DPF3: variants seen among roughly 807,000 people sequenced by gnomAD.
DPF3 encodes double PHD fingers 3.
DPF3 carries 18 observed loss-of-function variants against 56.8 expected under a neutral mutation model. That is an observed-to-expected ratio of 0.32 (90% CI 0.22 to 0.47). The LOEUF is 0.47. Ranked by LOEUF, DPF3 falls within the 20% of genes least tolerant of loss-of-function variation. DPF3 has a pLI of 1.00. For missense variants in DPF3, 403 were observed against 488.8 expected (o/e 0.82, Z 1.65); for synonymous variants, 188 against 180.2 (o/e 1.04, Z -0.35).
At chr14:72,833,180 G>C (rs145502065) in intron 1 of DPF3, among the ~76,000 whole-genome samples, 21 of 152,308 alleles carry the variant, frequency 1.4e-4, no homozygotes, top group African/African-American at 4.3e-4. Context: ...CAGTCTGAGC[G>C]GGAGTGAACT....
chr14:72,740,947 T>C (rs1890100087), intron 3 of DPF3, among the ~76,000 whole-genome samples: 1 of 152,058 alleles, frequency 6.6e-6, no homozygotes, highest in Admixed American at 6.5e-5. Flanking sequence ...CATGCCTGAA[T>C]TCCCAGCTAC....
chr14:72,710,341 C>T (rs1241231822), intron 6 of DPF3, among the ~76,000 whole-genome samples: 1 of 152,194 alleles, frequency 6.6e-6, no homozygotes, highest in African/African-American at 2.4e-5. Flanking sequence ...AGTTGTATAT[C>T]AATGTGAAAT....
intron 1 of DPF3, among the ~76,000 whole-genome samples, chr14:72,872,026 C>T (rs947607727): frequency 1.3e-5 from 2 of 152,234 alleles, no homozygotes; most frequent in African/African-American, 4.8e-5. Context: ...AAGGAAATCC[C>T]AAACCTCAGT....
chr14:72,763,234 T>C (rs1166273643), intron 2 of DPF3, among the ~76,000 whole-genome samples: 3 of 152,048 alleles, frequency 2.0e-5, no homozygotes, highest in African/African-American at 4.8e-5. Context: ...CAGTTTTTTG[T>C]AGAAATTGAC....
intron 8 of DPF3, among the ~76,000 whole-genome samples, chr14:72,641,559 C>G (rs892257811): frequency 5.3e-5 from 8 of 152,182 alleles, no homozygotes; most frequent in African/African-American, 1.9e-4. Flanking sequence ...GGAGGCTTCT[C>G]CCACAGCCCC....
chr14:72,690,705 C>T (rs1887644292), intron 7 of DPF3, among the ~76,000 whole-genome samples: 2 of 152,030 alleles, frequency 1.3e-5, no homozygotes, highest in Admixed American at 1.3e-4. Context: ...GAAAATGAGA[C>T]ACAGACAGAC....
chr14:72,747,395 T>A (rs1487303436), intron 3 of DPF3, among the ~76,000 whole-genome samples: 1 of 152,138 alleles, frequency 6.6e-6, no homozygotes, highest in Non-Finnish European at 1.5e-5. Flanking sequence ...CCACAGCTGT[T>A]GAGGGTGACT....
Position 72,861,747 on chromosome 14 carries a change from GAAAGAAAGAAAGAA to G in DPF3, c.32+32296_32+32309del, listed in dbSNP as rs1390429167. Among the ~76,000 whole-genome samples the G allele has an allele frequency of 8.3e-4, 13 of 15,650 alleles. 1 individual carries two copies. The highest frequency in any genetic ancestry group is 3.2e-3 in the African/African-American group (9 of 2,796). 10.3% of individuals were successfully genotyped at this position (15,650 alleles called of 152,430 possible). A position where few individuals can be genotyped will look rare whatever the true frequency, so the allele number is the denominator to read the frequency against. ...AGAGAAAGAAAGAAAGAGAAAGAAAGAAAGAAAGAAAGAAAGAAAGAAAGAAAGAAAGAAAGAAA... is the reference window on the plus strand; with the variant it reads ...AGAGAAAGAAAGAAAGAGAAAGAAAGAGAAAGAAAGAAAGAAAGAAAGAAA... On this transcript the variant is annotated intron_variant, in intron 1 of 10. Coordinates refer to ENST00000556509, the MANE Select transcript of DPF3 (RefSeq NM_001280542.3).
chr14:72,665,209 AT>A (rs2153569730), intron 8 of DPF3, among the ~76,000 whole-genome samples: 1 of 152,274 alleles, frequency 6.6e-6, no homozygotes, highest in Admixed American at 6.5e-5. Flanking sequence ...GATTTTAACT[AT>A]TTGTGAATTT....
chr14:72,727,541 A>T (rs963546855), intron 4 of DPF3, among the ~76,000 whole-genome samples: 76 of 147,744 alleles, frequency 5.1e-4, no homozygotes, highest in African/African-American at 1.9e-3. Context: ...GTACCATTGC[A>T]CTCCAGCCTG....
chr14:72,702,698 G>A (rs545447501), intron 6 of DPF3, among the ~76,000 whole-genome samples: 59 of 152,320 alleles, frequency 3.9e-4, no homozygotes, highest in Non-Finnish European at 6.5e-4. Context: ...CCCCAACTGA[G>A]AAAAGCCCTG....
At chr14:72,744,921 T>C (rs936960271) in intron 3 of DPF3, among the ~76,000 whole-genome samples, 1 of 152,132 alleles carries the variant, frequency 6.6e-6, no homozygotes, top group Non-Finnish European at 1.5e-5. Context: ...GGCAGACTAT[T>C]CTCCCTCTTC....
rs1303054468 is a variant in DPF3 at position 72,657,466 on chromosome 14, T to C, written c.871+16774A>G. Among the ~76,000 whole-genome samples, 3 of 152,222 alleles carry C rather than the reference T, an allele frequency of 2.0e-5. No homozygotes were observed. In the East Asian group the frequency reaches 5.8e-4, roughly 29 times the overall value. On this transcript the variant is annotated intron_variant, in intron 8 of 10. Coordinates refer to ENST00000556509, the MANE Select transcript of DPF3 (RefSeq NM_001280542.3). ...AAAACTAGAAAAACTAGTAAACAGC[T>C]TTCCAAAATCTTGTGGTGAGATTTT...
chr14:72,883,900 C>A, intron 1 of DPF3, among the ~76,000 whole-genome samples: 1 of 144,560 alleles, frequency 6.9e-6, no homozygotes. Flanking sequence ...GCACTCCAGC[C>A]TAGGCGACAG....
chr14:72,709,894 G>C (rs1888579971), intron 6 of DPF3, among the ~76,000 whole-genome samples: 1 of 152,196 alleles, frequency 6.6e-6, no homozygotes, highest in Non-Finnish European at 1.5e-5. Flanking sequence ...CAGGAATTAA[G>C]ACCATGATTC....
intron 1 of DPF3, among the ~76,000 whole-genome samples, chr14:72,800,125 G>A (rs1161113723): frequency 6.6e-6 from 1 of 152,040 alleles, no homozygotes; most frequent in Admixed American, 6.6e-5. Context: ...AGAACCCAGG[G>A]GCCCCATCCA....
chr14:72,791,567 C>T (rs1386193945), intron 1 of DPF3, among the ~76,000 whole-genome samples: 1 of 152,180 alleles, frequency 6.6e-6, no homozygotes, highest in Non-Finnish European at 1.5e-5. Flanking sequence ...TCGGAGCTTC[C>T]CCCTGTGCGG....
intron 1 of DPF3, among the ~76,000 whole-genome samples, chr14:72,813,980 G>A (rs1054268929): frequency 5.9e-5 from 9 of 152,110 alleles, no homozygotes; most frequent in East Asian, 1.9e-4. Flanking sequence ...ATTCTCTCTC[G>A]CCCAGTACAT....
intron 9 of DPF3, among the ~76,000 whole-genome samples, chr14:72,622,010 G>T (rs1884480970): frequency 6.6e-6 from 1 of 152,180 alleles, no homozygotes; most frequent in Non-Finnish European, 1.5e-5. Context: ...ATGGACTTGG[G>T]ATTCATTGTA....
Sources: allele counts gnomAD v4.1 joint callset (sites outside exome capture counted in the v4.1 genomes callset), GRCh38; gene constraint gnomAD v4.1.1; transcripts MANE v1.5; gene names NCBI Gene and HGNC (gene_info 2026-07-23, HGNC 2026-07-21).